The following WWC2 variants were observed in gnomAD, a reference collection of about 807,000 sequenced individuals.
The protein encoded by WWC2 is WW and C2 domain containing 2.
A neutral mutation model predicts 138.5 loss-of-function variants in WWC2; 101 were observed. The observed-to-expected ratio is 0.73, with a 90% CI of 0.62 to 0.86. The LOEUF is 0.86. Ranked by LOEUF, WWC2 falls within the 40% of genes least tolerant of loss-of-function variation. WWC2 has a pLI of 0.00. For missense variants in WWC2, 1,420 were observed against 1,419.4 expected, an observed-to-expected ratio of 1.00 and a Z score of -0.01; for synonymous variants, 558 against 538.4, an observed-to-expected ratio of 1.04 and a Z score of -0.50.
chr4:183,206,956 C>A (rs1235253348), intron 2 of WWC2, among the ~76,000 whole-genome samples: 1 of 152,180 alleles, frequency 6.6e-6, no homozygotes, highest in Non-Finnish European at 1.5e-5. Flanking sequence ...TGTAGCTTCA[C>A]CACACAGTAA....
intron 21 of WWC2, among the ~76,000 whole-genome samples, chr4:183,310,687 TAGAG>T (rs986778207): frequency 2.1e-4 from 27 of 130,950 alleles, no homozygotes; most frequent in East Asian, 4.3e-4. Flanking sequence ...TTTTTTTTCA[TAGAG>T]AGAGTGTCTC....
intron 1 of WWC2, among the ~76,000 whole-genome samples, chr4:183,139,984 G>T (rs993697695): frequency 6.6e-6 from 1 of 152,174 alleles, no homozygotes; most frequent in African/African-American, 2.4e-5. Context: ...GGCCAATTTC[G>T]TATTTTTAGT....
At chr4:183,103,331 CTTTTTTTT>C (rs772364256) in intron 1 of WWC2, among the ~76,000 whole-genome samples, 4 of 123,800 alleles carry the variant, frequency 3.2e-5, no homozygotes, top group Non-Finnish European at 3.4e-5. Flanking sequence ...TCTGTATTGT[CTTTTTTTT>C]TTTTTTTTTT....
intron 14 of WWC2, among the ~76,000 whole-genome samples, chr4:183,267,807 T>C (rs1283765319): frequency 3.3e-5 from 5 of 152,212 alleles, no homozygotes; most frequent in Non-Finnish European, 5.9e-5. Flanking sequence ...TCCTGACATA[T>C]ATAGCAATCT....
chr4:183,240,320 A>G, intron 5 of WWC2, 58 bp downstream of exon 5: 1 of 1,356,290 alleles, frequency 7.4e-7, no homozygotes, highest in Non-Finnish European at 1.0e-6. Context: ...GTATGAATAC[A>G]AAGAAAATAG....
intron 4 of WWC2, among the ~76,000 whole-genome samples, chr4:183,229,035 T>C (rs1736161313): frequency 6.6e-6 from 1 of 151,908 alleles, no homozygotes; most frequent in Non-Finnish European, 1.5e-5. Context: ...AACGTTGAGA[T>C]AATGGTTACT....
At chr4:183,277,208 C>G (rs1356362812) in intron 16 of WWC2, among the ~76,000 whole-genome samples, 1 of 147,786 alleles carries the variant, frequency 6.8e-6, no homozygotes, top group African/African-American at 2.5e-5. Context: ...TCAATTCCCA[C>G]CTATGAGTGA....
intron 1 of WWC2, among the ~76,000 whole-genome samples, chr4:183,169,079 C>A (rs1472807152): frequency 6.6e-6 from 1 of 151,922 alleles, no homozygotes; most frequent in African/African-American, 2.4e-5. Flanking sequence ...AACTCCTGAC[C>A]GCAGATGATC....
chr4:183,268,500 T>C (rs956232223), intron 14 of WWC2, among the ~76,000 whole-genome samples: 12 of 152,228 alleles, frequency 7.9e-5, no homozygotes, highest in African/African-American at 2.9e-4. Flanking sequence ...TTTTCTCTAG[T>C]AGGATAATGT....
chr4:183,308,608 T>A (rs1332707692), intron 21 of WWC2, among the ~76,000 whole-genome samples: 1 of 152,146 alleles, frequency 6.6e-6, no homozygotes, highest in Non-Finnish European at 1.5e-5. Context: ...GTTCCAGGAC[T>A]CCCCATGGAC....
chr4:183,170,685 G>A (rs1734251134), intron 1 of WWC2, among the ~76,000 whole-genome samples: 1 of 152,084 alleles, frequency 6.6e-6, no homozygotes, highest in Non-Finnish European at 1.5e-5. Context: ...TAGTCATCAT[G>A]TTGTGATTTA....
At chr4:183,101,893 AT>A (rs1743192697) in intron 1 of WWC2, among the ~76,000 whole-genome samples, 1 of 152,086 alleles carries the variant, frequency 6.6e-6, no homozygotes, top group Non-Finnish European at 1.5e-5. Flanking sequence ...TACCTTGCAT[AT>A]TTTTTATGTT....
At position 183,312,479 on chromosome 4, in the gene WWC2, C is replaced by T. The variant is rs192816799; in HGVS notation, c.3512+11C>T. ...GGTGCAGTCCTTCAGGTGAATAGCCCCATCCAGGACAGCTTTTGGGTTGCC... is the reference window on the plus strand; with the variant it reads ...GGTGCAGTCCTTCAGGTGAATAGCCTCATCCAGGACAGCTTTTGGGTTGCC... On this transcript the variant is annotated intron_variant, in intron 22 of 22. Coordinates refer to ENST00000403733, the MANE Select transcript of WWC2 (RefSeq NM_024949.6). 6.2e-7 allele frequency: 1 copy of T among 1,612,954 alleles called. No homozygotes were observed.
intron 22 of WWC2, 86 bp from the exon 23 acceptor site, chr4:183,315,577 A>G: frequency 1.1e-6 from 1 of 888,960 alleles, no homozygotes; most frequent in South Asian, 1.7e-5. Flanking sequence ...CATCACTGCC[A>G]CTGCAGGTCT....
chr4:183,131,846 G>A (rs1473135960), intron 1 of WWC2, among the ~76,000 whole-genome samples: 1 of 152,130 alleles, frequency 6.6e-6, no homozygotes, highest in Non-Finnish European at 1.5e-5. Context: ...TGATTTTTGA[G>A]TATGGGTTAT....
At chr4:183,215,875 T>C (rs1735742366) in intron 4 of WWC2, among the ~76,000 whole-genome samples, 1 of 152,172 alleles carries the variant, frequency 6.6e-6, no homozygotes, top group East Asian at 1.9e-4. Flanking sequence ...TTAAAAGCAA[T>C]TAATTTTTCC....
chr4:183,229,393 GT>G (rs1272706914), intron 4 of WWC2, among the ~76,000 whole-genome samples: 3 of 152,078 alleles, frequency 2.0e-5, no homozygotes, highest in Non-Finnish European at 1.5e-5. Flanking sequence ...AACCCTGGTG[GT>G]TTGAACATGT....
intron 4 of WWC2, among the ~76,000 whole-genome samples, chr4:183,229,291 T>G (rs967867325): frequency 6.6e-6 from 1 of 152,128 alleles, no homozygotes; most frequent in Non-Finnish European, 1.5e-5. Context: ...CAAACATATA[T>G]GAATGTTCTT....
chr4:183,276,347 A>G (rs1453261977), intron 16 of WWC2, among the ~76,000 whole-genome samples: 3 of 151,818 alleles, frequency 2.0e-5, no homozygotes, highest in Non-Finnish European at 2.9e-5. Flanking sequence ...GTTTGATCCT[A>G]TTATCTTCCT....
Sources: allele counts gnomAD v4.1 joint callset (sites outside exome capture counted in the v4.1 genomes callset), GRCh38; gene constraint gnomAD v4.1.1; transcripts MANE v1.5; gene names NCBI Gene and HGNC (gene_info 2026-07-23, HGNC 2026-07-21).